Variants in BTBD9 observed in about 807,000 individuals in gnomAD.
The protein encoded by BTBD9 is BTB/POZ domain-containing protein 9.
In BTBD9, 49 loss-of-function variants were observed where a neutral mutation model predicts 64.3. That is an observed-to-expected ratio of 0.76 (90% CI 0.61 to 0.97). The LOEUF (loss-of-function observed/expected upper bound fraction) is 0.97, where lower values mean the gene tolerates loss of function less well. Ranked by LOEUF, BTBD9 falls within the 50% of genes least tolerant of loss-of-function variation. The pLI is 0.00. For missense variants in BTBD9, 598 were observed against 762.1 expected, an observed-to-expected ratio of 0.78 and a Z score of 2.53; for synonymous variants, 260 against 274.7, an observed-to-expected ratio of 0.95 and a Z score of 0.53.
At chr6:38,617,254 CAAA>C (rs35995167) in intron 1 of BTBD9, among the ~76,000 whole-genome samples, 2 of 152,084 alleles carry the variant, frequency 1.3e-5, no homozygotes, top group African/African-American at 4.8e-5. Context: ...CATTCGGCTC[CAAA>C]AAGTTGGTTG....
intron 6 of BTBD9, among the ~76,000 whole-genome samples, chr6:38,404,749 T>C (rs9470872): frequency 0.044 from 6,765 of 152,248 alleles, 498 homozygotes; most frequent in African/African-American, 0.15. Flanking sequence ...GGGCTTGTTA[T>C]TATCAAATTG....
At chr6:38,479,057 G>C (rs547078121) in intron 6 of BTBD9, among the ~76,000 whole-genome samples, 1 of 152,302 alleles carries the variant, frequency 6.6e-6, no homozygotes, top group Non-Finnish European at 1.5e-5. Context: ...TTCTCCAAAA[G>C]CTCAAAAAGT....
At chr6:38,355,844 G>A (rs1412289065) in intron 6 of BTBD9, among the ~76,000 whole-genome samples, 1 of 152,016 alleles carries the variant, frequency 6.6e-6, no homozygotes, top group African/African-American at 2.4e-5. Flanking sequence ...CTCTCATTTT[G>A]GTGGAGTACA....
intron 6 of BTBD9, among the ~76,000 whole-genome samples, chr6:38,350,755 C>T (rs1032532296): frequency 2.0e-5 from 3 of 152,208 alleles, no homozygotes; most frequent in East Asian, 1.9e-4. Flanking sequence ...CTGCGGAGAA[C>T]ATTGTTGTTT....
At chr6:38,222,466 A>C (rs980418990) in intron 9 of BTBD9, among the ~76,000 whole-genome samples, 3 of 151,844 alleles carry the variant, frequency 2.0e-5, no homozygotes, top group East Asian at 3.9e-4. Context: ...TCACCGTGTT[A>C]GCCAGGATGG....
chr6:38,592,305 A>G (rs569534196), intron 4 of BTBD9, among the ~76,000 whole-genome samples: 28 of 152,172 alleles, frequency 1.8e-4, no homozygotes, highest in Non-Finnish European at 3.7e-4. Context: ...GCTTTTTAGG[A>G]AAGTGTCCAT....
intron 6 of BTBD9, among the ~76,000 whole-genome samples, chr6:38,454,082 T>C (rs1000230594): frequency 6.6e-6 from 1 of 152,168 alleles, no homozygotes; most frequent in Non-Finnish European, 1.5e-5. Flanking sequence ...TACTTCAAAA[T>C]GAAAATTCTT....
intron 6 of BTBD9, among the ~76,000 whole-genome samples, chr6:38,469,322 C>CTTTT (rs11432881): frequency 3.9e-5 from 5 of 127,518 alleles, no homozygotes; most frequent in South Asian, 2.5e-4. Context: ...TTTTTTTTTC[C>CTTTT]TTTTTTTTTT....
At chr6:38,600,237 G>A (rs1699018) in intron 1 of BTBD9, among the ~76,000 whole-genome samples, 40,736 of 152,058 alleles carry the variant, frequency 0.27, 5,737 homozygotes, top group African/African-American at 0.31. Flanking sequence ...CTCTATGGTA[G>A]GAGCCTAAAG....
chr6:38,479,981 G>A (rs568408729), intron 6 of BTBD9, among the ~76,000 whole-genome samples: 39 of 152,166 alleles, frequency 2.6e-4, no homozygotes, highest in African/African-American at 9.4e-4. Context: ...CTCCTGCCTC[G>A]GCCTCCCAAG....
In BTBD9 at chr6:38,171,858, AAAAAAAAAAAAAAAAAAAAAAAAAT is replaced by A. The variant is rs1200030334; in HGVS notation, c.*3102_*3126del. 2.2e-4 allele frequency: 16 copies of A among 74,256 alleles called. No individual in the cohort carries two copies. The East Asian group carries it at 2.9e-3, about 13-fold the overall frequency. The allele number at this position is 74,256 out of a possible 1,614,324, so 4.6% of individuals were successfully genotyped here. On this transcript the variant is annotated 3_prime_UTR_variant, in exon 11 of 11. Coordinates refer to ENST00000481247, the MANE Select transcript of BTBD9 (RefSeq NM_001099272.2). ...GCCTTTCTACTCTCAAAAAAAAAAA[AAAAAAAAAAAAAAAAAAAAAAAAAT>A]AATAATAATAATAATAATAATAATA...
rs1404833059 is a variant in BTBD9 at position 38,173,282 on chromosome 6, C to T, written c.*1703G>A. 6.6e-6 allele frequency: 1 copy of T among 152,260 alleles called. No homozygotes were observed. The highest frequency in any genetic ancestry group is 2.4e-5 in the African/African-American group (1 of 41,452). 9.4% of individuals were successfully genotyped at this position (152,260 alleles called of 1,614,324 possible). ...CACCGTTCCTTACAGGAGCCTCCTC[C>T]CATTATGAAATGCCTGGCATCCCAG... On this transcript the variant is annotated 3_prime_UTR_variant, in exon 11 of 11. Coordinates refer to ENST00000481247, the MANE Select transcript of BTBD9 (RefSeq NM_001099272.2).
In BTBD9 at chr6:38,603,632, T is replaced by C. The variant is rs567429213; in HGVS notation, c.-27-5511A>G. On this transcript the variant is annotated intron_variant, in intron 1 of 10. Coordinates refer to ENST00000481247, the MANE Select transcript of BTBD9 (RefSeq NM_001099272.2). The stretch of plus-strand genomic sequence containing the variant: ...TAGAATTAAAGTTTATTCTCCAGTG[T>C]TTAACCAGGAAATAGTCAAAGAGCA... Among the ~76,000 whole-genome samples the C allele has an allele frequency of 2.2e-4, 34 of 152,318 alleles. 1 individual carries two copies. The highest frequency in any genetic ancestry group is 7.0e-4 in the African/African-American group (29 of 41,562).
intron 6 of BTBD9, among the ~76,000 whole-genome samples, chr6:38,413,761 AT>A (rs993501961): frequency 1.3e-5 from 2 of 151,926 alleles, no homozygotes; most frequent in Non-Finnish European, 2.9e-5. Flanking sequence ...CACAACTACT[AT>A]TTTTTTTAAA....
chr6:38,492,623 C>T (rs1435643468), intron 6 of BTBD9, among the ~76,000 whole-genome samples: 1 of 152,010 alleles, frequency 6.6e-6, no homozygotes, highest in African/African-American at 2.4e-5. Context: ...TTTTTTATTT[C>T]AATTATTTGT....
At chr6:38,450,037 G>A (rs1769450208) in intron 6 of BTBD9, among the ~76,000 whole-genome samples, 1 of 152,164 alleles carries the variant, frequency 6.6e-6, no homozygotes, top group Non-Finnish European at 1.5e-5. Flanking sequence ...ATCAATGAAT[G>A]AATGGATTAA....
chr6:38,191,656 G>A (rs1762079730), intron 10 of BTBD9, among the ~76,000 whole-genome samples: 3 of 152,214 alleles, frequency 2.0e-5, no homozygotes, highest in Admixed American at 6.5e-5. Context: ...TGGGAGTAGA[G>A]AGGGCAGTGA....
Position 38,487,810 on chromosome 6 carries a change from G to A in BTBD9, c.1154+89790C>T, listed in dbSNP as rs371865754. 2.0e-5 allele frequency among the ~76,000 whole-genome samples: 3 copies of A among 152,142 alleles called. No homozygotes were observed. The East Asian group carries it at 5.8e-4, about 29-fold the overall frequency. On this transcript the variant is annotated intron_variant, in intron 6 of 10. Coordinates refer to ENST00000481247, the MANE Select transcript of BTBD9 (RefSeq NM_001099272.2). ...CAGAGATCAGCAAACTATGGCCTGCGAGCCAAAAATAAATTTTATATTTTT... is the reference window on the plus strand; with the variant it reads ...CAGAGATCAGCAAACTATGGCCTGCAAGCCAAAAATAAATTTTATATTTTT...
chr6:38,479,664 GAAC>G (rs1771042880), intron 6 of BTBD9, among the ~76,000 whole-genome samples: 1 of 152,176 alleles, frequency 6.6e-6, no homozygotes, highest in African/African-American at 2.4e-5. Context: ...ACACCTCTCA[GAAC>G]AACAACTTTC....
Sources: gnomAD v4.1 joint callset for allele counts (sites outside exome capture counted in the v4.1 genomes callset) on GRCh38, gnomAD v4.1.1 for gene constraint, MANE v1.5 for transcripts, NCBI Gene and HGNC (gene_info 2026-07-23, HGNC 2026-07-21) for gene names.